The following ACOXL variants were observed in gnomAD, a reference collection of about 807,000 sequenced individuals.
ACOXL encodes acyl-CoA oxidase like.
ACOXL carries 70 observed loss-of-function variants against 71.9 expected under a neutral mutation model. The ratio of observed to expected loss-of-function variants is 0.97; its 90% CI spans 0.80 to 1.19. ACOXL has a LOEUF of 1.19. ACOXL is among the 50% of genes most tolerant of loss of function. ACOXL has a pLI of 0.00. For missense variants in ACOXL, 703 were observed against 736.3 expected (o/e 0.95, Z 0.52); for synonymous variants, 253 against 281.6 (o/e 0.90, Z 1.02).
intron 16 of ACOXL, among the ~76,000 whole-genome samples, chr2:111,074,368 G>C (rs1013897064): frequency 6.6e-6 from 1 of 151,758 alleles, no homozygotes; most frequent in Non-Finnish European, 1.5e-5. Context: ...TCAGCCTTTT[G>C]CAACTAGATA....
intron 10 of ACOXL, among the ~76,000 whole-genome samples, chr2:110,847,827 T>C (rs1352291701): frequency 1.3e-5 from 2 of 152,316 alleles, no homozygotes; most frequent in East Asian, 3.9e-4. Context: ...AGCTAGACTA[T>C]TGGAGGCCTG....
At chr2:110,791,243 T>G (rs1477049043) in intron 3 of ACOXL, among the ~76,000 whole-genome samples, 3 of 152,264 alleles carry the variant, frequency 2.0e-5, no homozygotes, top group Non-Finnish European at 4.4e-5. Context: ...TGCTGCAGTT[T>G]CCTGCAAACT....
intron 13 of ACOXL, among the ~76,000 whole-genome samples, chr2:110,991,333 G>T (rs541050550): frequency 1.2e-3 from 190 of 152,088 alleles, no homozygotes; most frequent in African/African-American, 4.3e-3. Flanking sequence ...TCAGATGTTT[G>T]ACTGGTTTAT....
chr2:110,921,332 C>G (rs2060059445), intron 11 of ACOXL, among the ~76,000 whole-genome samples: 1 of 146,422 alleles, frequency 6.8e-6, no homozygotes, highest in South Asian at 2.1e-4. Context: ...TTTCCTTTTG[C>G]TTGCTTTAAG....
At chr2:110,814,382 A>G (rs935527934) in intron 9 of ACOXL, among the ~76,000 whole-genome samples, 6 of 151,688 alleles carry the variant, frequency 4.0e-5, no homozygotes, top group African/African-American at 1.5e-4. Flanking sequence ...TATGGGGAAA[A>G]GGGCCATTTA....
intron 10 of ACOXL, among the ~76,000 whole-genome samples, chr2:110,900,086 TACACACACACACACACAC>T (rs60758688): frequency 0.01 from 1,437 of 143,322 alleles, 24 homozygotes; most frequent in African/African-American, 0.036. Context: ...CACACACACA[TACACACACACACACACAC>T]ACACACACAC....
chr2:110,859,743 C>G (rs911422553), intron 10 of ACOXL, among the ~76,000 whole-genome samples: 1 of 152,212 alleles, frequency 6.6e-6, no homozygotes, highest in South Asian at 2.1e-4. Flanking sequence ...TCTTTGCTCA[C>G]CAGGCGCTTG....
intron 1 of ACOXL, among the ~76,000 whole-genome samples, chr2:110,735,267 AT>A (rs1338148803): frequency 6.6e-6 from 1 of 152,184 alleles, no homozygotes; most frequent in African/African-American, 2.4e-5. Flanking sequence ...CATTCTCCTA[AT>A]GTAAAATGTT....
chr2:110,977,419 C>T (rs2062501903), intron 12 of ACOXL, among the ~76,000 whole-genome samples: 1 of 151,850 alleles, frequency 6.6e-6, no homozygotes, highest in South Asian at 2.1e-4. Context: ...AAACTTCTCT[C>T]CTTTTGATAT....
chr2:111,092,585 T>A (rs937350681), intron 16 of ACOXL, among the ~76,000 whole-genome samples: 4 of 152,124 alleles, frequency 2.6e-5, no homozygotes, highest in Middle Eastern at 3.2e-3. Context: ...ATAAGGTTGG[T>A]TGTGAGTTAA....
At chr2:110,965,653 A>G (rs2341912) in intron 12 of ACOXL, among the ~76,000 whole-genome samples, 20,028 of 152,188 alleles carry the variant, frequency 0.13, 2,149 homozygotes, top group African/African-American at 0.3. Context: ...AAAAAGGACA[A>G]TAGGGACTCC....
At chr2:111,039,516 A>G (rs543691324) in intron 15 of ACOXL, among the ~76,000 whole-genome samples, 9 of 152,344 alleles carry the variant, frequency 5.9e-5, no homozygotes, top group Admixed American at 5.9e-4. Context: ...TTAACAAGGT[A>G]ATTAAAAGTG....
intron 1 of ACOXL, among the ~76,000 whole-genome samples, chr2:110,763,039 A>T (rs1175955177): frequency 6.6e-6 from 1 of 152,210 alleles, no homozygotes; most frequent in Non-Finnish European, 1.5e-5. Context: ...ATTAAATATT[A>T]TTTCAAAAAG....
In ACOXL at chr2:110,947,209, T is replaced by C. The variant is rs1051626653; in HGVS notation, c.1059+13567T>C. ...TTTCCCACTTTCTTGCTTTAAGGAT[T>C]GGGTGGGGTCAACCAAGTTCTTCAG... is the stretch of plus-strand genomic sequence containing the variant. On this transcript the variant is annotated intron_variant, in intron 12 of 17. Transcript: ENST00000439055. 2.6e-5 allele frequency among the ~76,000 whole-genome samples: 4 copies of C among 152,228 alleles called. No individual in the cohort carries two copies. In the East Asian group the frequency reaches 7.7e-4, roughly 29 times the overall value.
chr2:111,025,879 T>C (rs188263744), intron 14 of ACOXL, among the ~76,000 whole-genome samples: 87 of 152,344 alleles, frequency 5.7e-4, no homozygotes, highest in African/African-American at 1.8e-3. Context: ...ACTTTGTAGA[T>C]TTAGTGTTTA....
intron 10 of ACOXL, among the ~76,000 whole-genome samples, chr2:110,878,486 G>A (rs944458960): frequency 1.1e-4 from 16 of 152,176 alleles, no homozygotes; most frequent in South Asian, 2.1e-4. Context: ...ATGCAGGCCC[G>A]GTGCAATGGC....
intron 2 of ACOXL, among the ~76,000 whole-genome samples, chr2:110,770,243 C>T (rs1345116584): frequency 1.3e-5 from 2 of 152,152 alleles, no homozygotes; most frequent in East Asian, 1.9e-4. Flanking sequence ...CCTCCCAGTT[C>T]AGGAGACCAC....
intron 5 of ACOXL, among the ~76,000 whole-genome samples, chr2:110,796,345 C>T (rs1398628841): frequency 1.3e-5 from 2 of 152,190 alleles, no homozygotes; most frequent in African/African-American, 4.8e-5. Flanking sequence ...TGGCCAAAGG[C>T]ATCATTTTTA....
intron 1 of ACOXL, among the ~76,000 whole-genome samples, chr2:110,743,920 G>A (rs1677854729): frequency 1.3e-5 from 2 of 152,226 alleles, no homozygotes; most frequent in South Asian, 4.1e-4. Flanking sequence ...TCTATCCTGT[G>A]ATTTCCTCTT....
Sources: allele counts gnomAD v4.1 joint callset (sites outside exome capture counted in the v4.1 genomes callset), GRCh38; gene constraint gnomAD v4.1.1; transcripts MANE v1.5; gene names NCBI Gene and HGNC (gene_info 2026-07-23, HGNC 2026-07-21).